The following DYTN variants were observed in gnomAD, a reference collection of about 807,000 sequenced individuals.
DYTN encodes dystrotelin.
DYTN carries 75 observed loss-of-function variants against 69.6 expected under a neutral mutation model. The ratio of observed to expected loss-of-function variants is 1.08; its 90% confidence interval spans 0.89 to 1.31. The LOEUF (loss-of-function observed/expected upper bound fraction) is 1.31. Ranked by LOEUF, DYTN falls within the 50% of genes most tolerant of loss-of-function variation. The probability of loss-of-function intolerance (pLI) is 0.00; values close to 1 mark genes in which losing one functional copy is unlikely to be tolerated. For synonymous variants in DYTN, 252 were observed against 249.1 expected, an observed-to-expected ratio of 1.01 and a Z score of -0.11; for missense variants, 726 against 688.4, an observed-to-expected ratio of 1.05 and a Z score of -0.61.
intron 11 of DYTN, among the ~76,000 whole-genome samples, chr2:206,660,606 T>G (rs1484468338): frequency 6.6e-6 from 1 of 152,238 alleles, no homozygotes; most frequent in African/African-American, 2.4e-5. Flanking sequence ...TTGACTTCGC[T>G]TTGAATACTC....
At chr2:206,657,347 C>G (rs997227207) in intron 11 of DYTN, among the ~76,000 whole-genome samples, 2 of 152,226 alleles carry the variant, frequency 1.3e-5, no homozygotes, top group Admixed American at 1.3e-4. Context: ...CAGCTTCAAG[C>G]TAGTAACTGC....
intron 9 of DYTN, among the ~76,000 whole-genome samples, chr2:206,677,621 C>A (rs1416081745): frequency 6.6e-6 from 1 of 152,168 alleles, no homozygotes; most frequent in Non-Finnish European, 1.5e-5. Context: ...CAGCTAGAGT[C>A]ATTTGATTTC....
intron 7 of DYTN, among the ~76,000 whole-genome samples, chr2:206,698,402 C>T (rs1324521080): frequency 2.6e-5 from 4 of 152,132 alleles, no homozygotes. Context: ...TCTGGGTTAG[C>T]TAGGGTCAGG....
intron 9 of DYTN, among the ~76,000 whole-genome samples, chr2:206,666,860 TACACACACACACAC>T (rs35200393): frequency 2.9e-5 from 4 of 137,556 alleles, no homozygotes; most frequent in East Asian, 2.4e-4. Flanking sequence ...ACCTCATCTC[TACACACACACACAC>T]ACACACACAC....
chr2:206,703,111 G>A (rs117333457), intron 5 of DYTN, among the ~76,000 whole-genome samples: 33 of 152,248 alleles, frequency 2.2e-4, no homozygotes, highest in East Asian at 5.8e-4. Flanking sequence ...GGGTAGGGGC[G>A]GAGTGCTGAG....
At chr2:206,663,931 G>A (rs573145139) in intron 10 of DYTN, among the ~76,000 whole-genome samples, 5 of 152,300 alleles carry the variant, frequency 3.3e-5, no homozygotes, top group African/African-American at 9.6e-5. Flanking sequence ...ATACTTAGAT[G>A]TTATTTGTTT....
chr2:206,691,174 AGGCCAAGATG>A (rs1699858012), intron 9 of DYTN, among the ~76,000 whole-genome samples: 1 of 152,158 alleles, frequency 6.6e-6, no homozygotes, highest in South Asian at 2.1e-4. Flanking sequence ...GCACTTTGGG[AGGCCAAGATG>A]GGCGGATCAC....
Position 206,665,998 on chromosome 2 carries a change from C to A in DYTN, c.1012G>T (p.Asp338Tyr). Reference sequence around the variant, plus strand: ...GAGGTGTATATAGCTTGCAACTTGTCTTTGTATTGGTTTAACTGTTTTTTA... The same window carrying A: ...GAGGTGTATATAGCTTGCAACTTGTATTTGTATTGGTTTAACTGTTTTTTA... ...LLKKQLNQYKDKLQAIYTSQE... is the reference protein window; with the variant it reads ...LLKKQLNQYKYKLQAIYTSQE... The change falls in exon 10 of 12, where the codon GAC (aspartate) becomes TAC (tyrosine). Residue 338 changes from aspartate to tyrosine, a missense_variant. Asp to Tyr is a radical substitution (Grantham distance 160). Transcript: ENST00000452335. 1.2e-6 allele frequency: 2 copies of A among 1,613,688 alleles called. No individual in the cohort carries two copies. The highest frequency in any genetic ancestry group is 1.7e-6 in the Non-Finnish European group (2 of 1,179,798).
intron 7 of DYTN, among the ~76,000 whole-genome samples, chr2:206,699,431 A>G (rs1699952986): frequency 6.6e-6 from 1 of 152,198 alleles, no homozygotes; most frequent in South Asian, 2.1e-4. Flanking sequence ...CCTGTCTCTA[A>G]AAACAAAATA....
intron 9 of DYTN, among the ~76,000 whole-genome samples, chr2:206,687,948 T>C (rs945788782): frequency 6.6e-6 from 1 of 152,218 alleles, no homozygotes; most frequent in Non-Finnish European, 1.5e-5. Flanking sequence ...TCACTATTCT[T>C]CAGTCTCATA....
At chr2:206,667,090 TAAA>T (rs1699581578) in intron 9 of DYTN, among the ~76,000 whole-genome samples, 1 of 152,094 alleles carries the variant, frequency 6.6e-6, no homozygotes, top group East Asian at 1.9e-4. Flanking sequence ...GGCAATTCTT[TAAA>T]ACAAAAGTCA....
At chr2:206,683,104 G>T (rs879727657) in intron 9 of DYTN, among the ~76,000 whole-genome samples, 2 of 152,126 alleles carry the variant, frequency 1.3e-5, no homozygotes, top group African/African-American at 4.8e-5. Flanking sequence ...GAAATTTTAA[G>T]TTAAAATTTG....
chr2:206,686,109 A>G (rs1368255797), intron 9 of DYTN, among the ~76,000 whole-genome samples: 1 of 152,122 alleles, frequency 6.6e-6, no homozygotes, highest in East Asian at 1.9e-4. Flanking sequence ...GGGAGTGCTC[A>G]GCTACTTTCA....
chr2:206,663,945 G>T (rs1457427226), intron 10 of DYTN, among the ~76,000 whole-genome samples: 1 of 152,104 alleles, frequency 6.6e-6, no homozygotes, highest in South Asian at 2.1e-4. Flanking sequence ...TTTGTTTATT[G>T]TATTGACATG....
chr2:206,667,318 G>C (rs556390444), intron 9 of DYTN, among the ~76,000 whole-genome samples: 3 of 152,102 alleles, frequency 2.0e-5, no homozygotes, highest in South Asian at 4.1e-4. Context: ...TCCCCACTTA[G>C]AGTCTGCTCT....
At chr2:206,706,228 GAAGGACCAA>G (rs986799889) in intron 3 of DYTN, among the ~76,000 whole-genome samples, 32 of 152,012 alleles carry the variant, frequency 2.1e-4, no homozygotes, top group African/African-American at 7.0e-4. Context: ...CAGAGATAAG[GAAGGACCAA>G]AAGGCAGGCA....
chr2:206,668,789 G>C (rs935896655), intron 9 of DYTN, among the ~76,000 whole-genome samples: 6 of 152,174 alleles, frequency 3.9e-5, no homozygotes, highest in African/African-American at 1.2e-4. Context: ...GGACCAGGTG[G>C]AGGTAATTAA....
intron 1 of DYTN, among the ~76,000 whole-genome samples, chr2:206,712,752 C>T (rs949437953): frequency 1.3e-5 from 2 of 152,370 alleles, no homozygotes; most frequent in African/African-American, 4.8e-5. Context: ...ATAGTGTCAA[C>T]TGCAACTCTC....
chr2:206,664,594 C>T lies in DYTN; in HGVS notation c.1141-1199G>A, dbSNP rs573315724. The stretch of plus-strand genomic sequence containing the variant: ...GAGGATTGCTTGAGCCCCAGGAGTT[C>T]GAGGCTGCAGTGAGTTATGATCCTG... On this transcript the variant is annotated intron_variant, in intron 10 of 11. Transcript: ENST00000452335. Among the ~76,000 whole-genome samples, 560 of 152,150 alleles carry T rather than the reference C, an allele frequency of 3.7e-3. 3 individuals carry two copies. The highest frequency in any genetic ancestry group is 5.8e-3 in the Non-Finnish European group (395 of 68,002).
Sources: allele counts gnomAD v4.1 joint callset (sites outside exome capture counted in the v4.1 genomes callset), GRCh38; gene constraint gnomAD v4.1.1; transcripts MANE v1.5; gene names NCBI Gene and HGNC (gene_info 2026-07-23, HGNC 2026-07-21).